POU2AF2: variants seen among roughly 807,000 people sequenced by gnomAD.
POU2AF2 encodes POU domain class 2-associating factor 2.
At chr11:111,257,887 G>A in the POU2AF2 span, among the ~76,000 whole-genome samples, 22 of 152,256 alleles carry the variant, frequency 1.4e-4, no homozygotes, top group Middle Eastern at 6.8e-3. Flanking sequence ...GGAGATTGAG[G>A]CAGGCAGATC....
At chr11:111,266,229 A>C in the POU2AF2 span, among the ~76,000 whole-genome samples, 1 of 152,240 alleles carries the variant, frequency 6.6e-6, no homozygotes, top group Non-Finnish European at 1.5e-5. Flanking sequence ...GAATTTAAAA[A>C]ATCTTCTGAG....
At chr11:111,266,957 C>T in the POU2AF2 span, among the ~76,000 whole-genome samples, 1 of 152,116 alleles carries the variant, frequency 6.6e-6, no homozygotes, top group Non-Finnish European at 1.5e-5. Context: ...CCCTCCTGCT[C>T]AGCTCTCATG....
the POU2AF2 span, among the ~76,000 whole-genome samples, chr11:111,269,362 C>G: frequency 1.3e-5 from 2 of 152,132 alleles, no homozygotes; most frequent in Non-Finnish European, 2.9e-5. Flanking sequence ...GCCCACTGTC[C>G]TGCCCTGTTT....
the POU2AF2 span, chr11:111,281,474 T>G: frequency 1.2e-6 from 2 of 1,608,198 alleles, no homozygotes; most frequent in African/African-American, 2.7e-5. Context: ...AATTATTCCC[T>G]TTTGAATTTA....
the POU2AF2 span, among the ~76,000 whole-genome samples, chr11:111,253,451 A>G: frequency 6.6e-6 from 1 of 152,206 alleles, no homozygotes; most frequent in East Asian, 1.9e-4. Flanking sequence ...AAACTTATGT[A>G]CTGAGAGCAA....
the POU2AF2 span, among the ~76,000 whole-genome samples, chr11:111,278,498 C>A: frequency 1.3e-5 from 2 of 152,180 alleles, no homozygotes; most frequent in Non-Finnish European, 2.9e-5. Flanking sequence ...AGGTGAATCC[C>A]TCTAATGGGA....
At chr11:111,283,856 A>ATT in the POU2AF2 span, among the ~76,000 whole-genome samples, 1 of 152,194 alleles carries the variant, frequency 6.6e-6, no homozygotes, top group Non-Finnish European at 1.5e-5. Context: ...ACTGTCTAAA[A>ATT]TGAACTCACC....
the POU2AF2 span, among the ~76,000 whole-genome samples, chr11:111,278,283 C>G: frequency 6.6e-6 from 1 of 152,236 alleles, no homozygotes; most frequent in Non-Finnish European, 1.5e-5. Flanking sequence ...AATGTAGTCA[C>G]TCTGGTTCCA....
the POU2AF2 span, among the ~76,000 whole-genome samples, chr11:111,264,491 C>CAAAAGAAA: frequency 5.9e-4 from 51 of 86,062 alleles, 1 homozygote; most frequent in African/African-American, 2.1e-3. Context: ...GCAAGACTCA[C>CAAAAGAAA]GAAAGAAAGA....
the POU2AF2 span, among the ~76,000 whole-genome samples, chr11:111,263,280 T>C: frequency 6.6e-6 from 1 of 152,182 alleles, no homozygotes; most frequent in African/African-American, 2.4e-5. Flanking sequence ...TTTCTTTAAA[T>C]ATTTAAATCC....
chr11:111,258,521 G>T, the POU2AF2 span, among the ~76,000 whole-genome samples: 1 of 152,118 alleles, frequency 6.6e-6, no homozygotes, highest in East Asian at 1.9e-4. Flanking sequence ...CCAAATGGCG[G>T]ACATACTTTT....
the POU2AF2 span, among the ~76,000 whole-genome samples, chr11:111,252,178 G>A: frequency 2.0e-5 from 3 of 151,992 alleles, no homozygotes; most frequent in Non-Finnish European, 2.9e-5. Context: ...AGTCCACATC[G>A]ACCTCAGTCA....
At chr11:111,286,063 C>T in the POU2AF2 span, 4 of 1,601,352 alleles carry the variant, frequency 2.5e-6, no homozygotes, top group African/African-American at 1.4e-5. Flanking sequence ...GAGGGGAGGG[C>T]CAAATGACTT....
chr11:111,251,013 G>C, the POU2AF2 span, among the ~76,000 whole-genome samples: 1 of 152,086 alleles, frequency 6.6e-6, no homozygotes, highest in African/African-American at 2.4e-5. Flanking sequence ...ACCATTGTAG[G>C]GTTTAGAGCA....
the POU2AF2 span, among the ~76,000 whole-genome samples, chr11:111,255,213 C>G: frequency 6.6e-6 from 1 of 152,122 alleles, no homozygotes; most frequent in Admixed American, 6.5e-5. Context: ...GTCTGGATTC[C>G]AGCTCTATTG....
chr11:111,278,814 A>C, the POU2AF2 span, among the ~76,000 whole-genome samples: 1 of 152,254 alleles, frequency 6.6e-6, no homozygotes, highest in South Asian at 2.1e-4. Flanking sequence ...GACCAAAGGG[A>C]TTAGAACTAG....
At chr11:111,255,167 T>C in the POU2AF2 span, among the ~76,000 whole-genome samples, 14 of 152,340 alleles carry the variant, frequency 9.2e-5, no homozygotes, top group Admixed American at 2.6e-4. Context: ...GAAAACAGCA[T>C]ATTTTTCTGG....
the POU2AF2 span, among the ~76,000 whole-genome samples, chr11:111,261,658 T>G: frequency 6.6e-6 from 1 of 152,080 alleles, no homozygotes; most frequent in South Asian, 2.1e-4. Flanking sequence ...TCGTGTAGTG[T>G]AGGGGAAGCT....
chr11:111,252,779 A>C, the POU2AF2 span, among the ~76,000 whole-genome samples: 1 of 152,066 alleles, frequency 6.6e-6, no homozygotes, highest in South Asian at 2.1e-4. Context: ...AAATAGATAT[A>C]AGAACATAAG....
Sources: gnomAD v4.1 joint callset for allele counts (sites outside exome capture counted in the v4.1 genomes callset) on GRCh38, gnomAD v4.1.1 for gene constraint, MANE v1.5 for transcripts, NCBI Gene and HGNC (gene_info 2026-07-23, HGNC 2026-07-21) for gene names.